Variants in GRIA4 observed in about 807,000 individuals in gnomAD.
GRIA4 encodes glutamate ionotropic receptor AMPA type subunit 4.
GRIA4 carries 34 observed loss-of-function variants against 104.0 expected under a neutral mutation model. The observed-to-expected ratio is 0.33, with a 90% CI of 0.25 to 0.44. GRIA4 has a LOEUF of 0.44. Ranked by LOEUF, GRIA4 falls within the 20% of genes least tolerant of loss-of-function variation. The probability of loss-of-function intolerance (pLI) is 1.00; values close to 1 mark genes in which losing one functional copy is unlikely to be tolerated. For synonymous variants in GRIA4, 386 were observed against 381.9 expected, an observed-to-expected ratio of 1.01 and a Z score of -0.13; for missense variants, 750 against 1,096.5, an observed-to-expected ratio of 0.68 and a Z score of 4.46.
At chr11:105,841,339 C>G (rs1054734298) in intron 4 of GRIA4, among the ~76,000 whole-genome samples, 1 of 151,988 alleles carries the variant, frequency 6.6e-6, no homozygotes. Flanking sequence ...TATTTGATGA[C>G]AAAATTAAGA....
intron 4 of GRIA4, among the ~76,000 whole-genome samples, chr11:105,835,509 C>T (rs1177822528): frequency 6.6e-6 from 1 of 151,930 alleles, no homozygotes; most frequent in African/African-American, 2.4e-5. Flanking sequence ...TATTGAAATA[C>T]AGCCATGTAC....
At chr11:105,847,827 G>C (rs1565284646) in intron 4 of GRIA4, among the ~76,000 whole-genome samples, 4 of 152,086 alleles carry the variant, frequency 2.6e-5, no homozygotes, top group Non-Finnish European at 5.9e-5. Context: ...TACTGGTGTT[G>C]AAATTGACCC....
At chr11:105,620,442 A>T in intron 3 of GRIA4, among the ~76,000 whole-genome samples, 1 of 151,862 alleles carries the variant, frequency 6.6e-6, no homozygotes, top group Non-Finnish European at 1.5e-5. Flanking sequence ...CTTAGCCAAT[A>T]CAGGATTTGC....
At chr11:105,720,517 T>C (rs1196983986) in intron 3 of GRIA4, among the ~76,000 whole-genome samples, 1 of 152,182 alleles carries the variant, frequency 6.6e-6, no homozygotes, top group Non-Finnish European at 1.5e-5. Context: ...GAAGAATGTA[T>C]AAACAAAATA....
intron 3 of GRIA4, among the ~76,000 whole-genome samples, chr11:105,656,385 G>A (rs2135398453): frequency 6.8e-6 from 1 of 147,630 alleles, no homozygotes; most frequent in Admixed American, 7.0e-5. Flanking sequence ...ATGGTTTAAA[G>A]ACTTAATCGT....
At chr11:105,884,696 G>A (rs1011788159) in intron 5 of GRIA4, among the ~76,000 whole-genome samples, 3 of 152,102 alleles carry the variant, frequency 2.0e-5, no homozygotes, top group African/African-American at 7.2e-5. Context: ...TTTGTGCCAG[G>A]AATTTTGTCC....
chr11:105,666,348 C>G (rs1352046470), intron 3 of GRIA4, among the ~76,000 whole-genome samples: 1 of 151,804 alleles, frequency 6.6e-6, no homozygotes, highest in Admixed American at 6.6e-5. Flanking sequence ...ATGCTTATGT[C>G]CTTTTTAAAC....
chr11:105,628,854 T>A (rs1950957315), intron 3 of GRIA4, among the ~76,000 whole-genome samples: 1 of 152,138 alleles, frequency 6.6e-6, no homozygotes, highest in Non-Finnish European at 1.5e-5. Flanking sequence ...GTTTCAATAT[T>A]TTTATTGAGA....
chr11:105,791,333 TATGTCCAA>T lies in GRIA4; in HGVS notation c.487+38115_487+38122del, dbSNP rs145850051. Among the ~76,000 whole-genome samples the T allele has an allele frequency of 6.6e-3, 1,011 of 152,290 alleles. 12 individuals carry two copies. Among genetic ancestry groups the T allele is most frequent in the African/African-American group, 0.023 (959 of 41,564 alleles). ...GCATTTATATTCATATCAATACTAA[TATGTCCAA>T]ACGAAGTGTATTTTGTTGGTTGGTC... On this transcript the variant is annotated intron_variant, in intron 4 of 16. Transcript: ENST00000282499.
At chr11:105,844,690 T>C (rs1295696226) in intron 4 of GRIA4, among the ~76,000 whole-genome samples, 1 of 152,222 alleles carries the variant, frequency 6.6e-6, no homozygotes, top group Admixed American at 6.5e-5. Context: ...ATGGTTCCTT[T>C]ATCTAGAATT....
chr11:105,821,642 T>G (rs1943578746), intron 4 of GRIA4, among the ~76,000 whole-genome samples: 1 of 151,988 alleles, frequency 6.6e-6, no homozygotes, highest in South Asian at 2.1e-4. Flanking sequence ...TCCACCCCCA[T>G]GACTCAAACA....
At chr11:105,805,478 GAAA>G (rs57123559) in intron 4 of GRIA4, among the ~76,000 whole-genome samples, 2,397 of 92,480 alleles carry the variant, frequency 0.026, 46 homozygotes, top group East Asian at 0.068. Flanking sequence ...AAGAAATCAG[GAAA>G]AAAAAAAAAA....
chr11:105,965,877 T>G, intron 14 of GRIA4: 1 of 1,071,154 alleles, frequency 9.3e-7, no homozygotes, highest in South Asian at 1.3e-5. Flanking sequence ...ATAAAGAGCT[T>G]AAGTCCTCAT....
chr11:105,960,875 C>G (rs938846552), intron 14 of GRIA4, among the ~76,000 whole-genome samples: 5 of 152,154 alleles, frequency 3.3e-5, no homozygotes, highest in African/African-American at 1.2e-4. Flanking sequence ...AGAGGAGGTT[C>G]CCCTTCCCGG....
chr11:105,981,882 A>G lies in GRIA4; in HGVS notation c.*2143A>G, dbSNP rs1169515131. 6.5e-6 allele frequency: 1 copy of G among 152,694 alleles called. No homozygotes were observed. Among genetic ancestry groups the G allele is most frequent in the African/African-American group, 2.4e-5 (1 of 41,396 alleles). The allele number at this position is 152,694 out of a possible 1,614,324, so 9.5% of individuals were successfully genotyped here. On this transcript the variant is annotated 3_prime_UTR_variant, in exon 17 of 17. Transcript: ENST00000282499. ...TATCCACCACCCCCCTGCCTGTGAG[A>G]CTGAGTTAGGTGCCCTTTTTCATGT...
At chr11:105,794,433 GT>G (rs1942361149) in intron 4 of GRIA4, among the ~76,000 whole-genome samples, 2 of 13,404 alleles carry the variant, frequency 1.5e-4, no homozygotes, top group Admixed American at 7.4e-4. Flanking sequence ...GTGTGCCGGG[GT>G]GTGTGTGTGT....
intron 14 of GRIA4, among the ~76,000 whole-genome samples, chr11:105,944,879 A>G (rs1247737453): frequency 6.6e-6 from 1 of 152,064 alleles, no homozygotes; most frequent in Non-Finnish European, 1.5e-5. Context: ...TCATCCTGCC[A>G]TTTCCCATTG....
At chr11:105,698,490 T>A (rs1374772021) in intron 3 of GRIA4, among the ~76,000 whole-genome samples, 3 of 152,172 alleles carry the variant, frequency 2.0e-5, no homozygotes, top group African/African-American at 7.2e-5. Flanking sequence ...CTCTGGGCTA[T>A]TCATTGGCAC....
At chr11:105,766,765 G>A (rs992323259) in intron 4 of GRIA4, among the ~76,000 whole-genome samples, 1 of 151,994 alleles carries the variant, frequency 6.6e-6, no homozygotes, top group African/African-American at 2.4e-5. Context: ...AAGTTCTTAT[G>A]ATGGCAAACC....
Sources: gnomAD v4.1 joint callset for allele counts (sites outside exome capture counted in the v4.1 genomes callset) on GRCh38, gnomAD v4.1.1 for gene constraint, MANE v1.5 for transcripts, NCBI Gene and HGNC (gene_info 2026-07-23, HGNC 2026-07-21) for gene names.